ASTN2: variants seen among roughly 807,000 people sequenced by gnomAD.
ASTN2 encodes astrotactin-2.
Under a neutral mutation model 139.8 loss-of-function variants are expected in ASTN2, and 54 were observed. The observed-to-expected ratio is 0.39, with a 90% CI of 0.31 to 0.48. ASTN2 has a LOEUF of 0.48. Ranked by LOEUF, ASTN2 falls within the 20% of genes least tolerant of loss-of-function variation. The pLI is 0.95. For missense variants in ASTN2, 1,565 were observed against 1,725.1 expected, an observed-to-expected ratio of 0.91 and a Z score of 1.64; for synonymous variants, 756 against 719.5, an observed-to-expected ratio of 1.05 and a Z score of -0.81.
At chr9:116,533,169 A>T (rs1055725110) in intron 19 of ASTN2, among the ~76,000 whole-genome samples, 1 of 151,982 alleles carries the variant, frequency 6.6e-6, no homozygotes, top group African/African-American at 2.4e-5. Flanking sequence ...TTTGTCTGTT[A>T]TTGGTGTATA....
At chr9:117,111,875 A>G (rs1417065528) in intron 4 of ASTN2, among the ~76,000 whole-genome samples, 3 of 152,110 alleles carry the variant, frequency 2.0e-5, no homozygotes, top group Non-Finnish European at 4.4e-5. Flanking sequence ...TAAAGATGAC[A>G]TAATTATTTA....
chr9:116,745,303 T>A (rs1220047847), intron 13 of ASTN2, among the ~76,000 whole-genome samples: 2 of 152,220 alleles, frequency 1.3e-5, no homozygotes, highest in Admixed American at 6.5e-5. Context: ...GTGACCTCTC[T>A]ACCTGCCTGA....
rs200024458 is a variant in ASTN2, at chr9:116,607,959, TCAAA to T, written c.3355+10361_3355+10364del. Among the ~76,000 whole-genome samples the T allele has an allele frequency of 6.8e-4, 103 of 152,274 alleles. 1 individual carries two copies. Among genetic ancestry groups the T allele is most frequent in the Admixed American group, 6.1e-3 (93 of 15,296 alleles). ...CTGGGCGACAGAGCGAGACTCCGTC[TCAAA>T]CAAACAAACAAAAAAACATAAAACA... On this transcript the variant is annotated intron_variant, in intron 19 of 22. Transcript: ENST00000313400.
At chr9:117,259,083 C>T (rs906189681) in intron 2 of ASTN2, among the ~76,000 whole-genome samples, 1 of 152,118 alleles carries the variant, frequency 6.6e-6, no homozygotes, top group Non-Finnish European at 1.5e-5. Context: ...CTTTTCAGCC[C>T]TTCCACCCTC....
chr9:116,634,602 A>T (rs892145517), intron 17 of ASTN2, among the ~76,000 whole-genome samples: 10 of 150,588 alleles, frequency 6.6e-5, no homozygotes, highest in African/African-American at 1.9e-4. Context: ...AAAAAAAAAA[A>T]AAAAAAAAAA....
In ASTN2 at chr9:116,775,396, A is replaced by AAAGG. The variant is rs1298677025; in HGVS notation, c.2396+30232_2396+30235dup. Among the ~76,000 whole-genome samples the AAAGG allele has an allele frequency of 6.6e-5, 10 of 151,240 alleles. No individual in the cohort carries two copies. The East Asian group carries it at 2.0e-3, about 30-fold the overall frequency. Reference sequence around the variant, plus strand: ...CTCACACAGTGACTTTATCCACAAGAAAGGAAGGAAGGAAGAAAGGAGAGA... The same window carrying AAAGG: ...CTCACACAGTGACTTTATCCACAAGAAAGGAAGGAAGGAAGGAAGAAAGGAGAGA... On this transcript the variant is annotated intron_variant, in intron 13 of 22. Transcript: ENST00000313400.
chr9:116,571,184 T>TA (rs1253763412), intron 19 of ASTN2, among the ~76,000 whole-genome samples: 1 of 152,150 alleles, frequency 6.6e-6, no homozygotes, highest in Non-Finnish European at 1.5e-5. Context: ...CCCACGCTGG[T>TA]GGTTTCCTCT....
At chr9:117,180,714 G>A in intron 3 of ASTN2, 3 of 1,594,302 alleles carry the variant, frequency 1.9e-6, no homozygotes, top group Non-Finnish European at 1.7e-6. Context: ...ATGAGTGCAG[G>A]GCCCGCCACT....
At chr9:117,097,043 G>GTA (rs1301476830) in intron 4 of ASTN2, among the ~76,000 whole-genome samples, 1 of 152,168 alleles carries the variant, frequency 6.6e-6, no homozygotes. Flanking sequence ...GCCAGCCATG[G>GTA]TATATACAAG....
At chr9:117,165,550 A>C (rs1376975836) in intron 3 of ASTN2, among the ~76,000 whole-genome samples, 1 of 152,118 alleles carries the variant, frequency 6.6e-6, no homozygotes, top group Non-Finnish European at 1.5e-5. Context: ...GCAGCACGGA[A>C]GTCCAACAGT....
intron 10 of ASTN2, among the ~76,000 whole-genome samples, chr9:116,958,902 A>G (rs1835797137): frequency 6.6e-6 from 1 of 152,238 alleles, no homozygotes; most frequent in East Asian, 1.9e-4. Flanking sequence ...GGTTCAACCA[A>G]GGAAATGATA....
At chr9:116,464,260 G>A (rs1378230489) in intron 20 of ASTN2, among the ~76,000 whole-genome samples, 1 of 152,100 alleles carries the variant, frequency 6.6e-6, no homozygotes, top group Non-Finnish European at 1.5e-5. Flanking sequence ...ATGGGAGGAT[G>A]GGTAAGTGTG....
rs544185310 is a variant in ASTN2, at chr9:116,765,584, C to T, written c.2397-32061G>A. Among the ~76,000 whole-genome samples, 16 of 152,036 alleles carry T rather than the reference C, an allele frequency of 1.1e-4. No homozygotes were observed. The South Asian group carries it at 2.7e-3, about 26-fold the overall frequency. Reference sequence around the variant, plus strand: ...AGGATGCTTACTGCAACATAGTTTACGATAGTCAAAAGCTGGAAACAATCT... The same window carrying T: ...AGGATGCTTACTGCAACATAGTTTATGATAGTCAAAAGCTGGAAACAATCT... On this transcript the variant is annotated intron_variant, in intron 13 of 22. Coordinates refer to ENST00000313400, the MANE Select transcript of ASTN2 (RefSeq NM_001365068.1).
At chr9:116,747,928 A>G (rs142495345) in intron 13 of ASTN2, among the ~76,000 whole-genome samples, 1 of 152,284 alleles carries the variant, frequency 6.6e-6, no homozygotes, top group Non-Finnish European at 1.5e-5. Flanking sequence ...GAGGAACATT[A>G]TCTTCTCCTT....
At chr9:116,582,047 G>C (rs1198598119) in intron 19 of ASTN2, 1 of 152,222 alleles carries the variant, frequency 6.6e-6, no homozygotes, top group Non-Finnish European at 1.5e-5. Flanking sequence ...CATTGACCTT[G>C]AGGAATGTGT....
At chr9:117,060,258 C>G (rs185117804) in intron 5 of ASTN2, among the ~76,000 whole-genome samples, 1 of 148,466 alleles carries the variant, frequency 6.7e-6, no homozygotes, top group African/African-American at 2.5e-5. Flanking sequence ...TTACAGTGGG[C>G]CAAGATTGTG....
chr9:116,508,219 G>A (rs1223236039), intron 19 of ASTN2, among the ~76,000 whole-genome samples: 4 of 152,290 alleles, frequency 2.6e-5, no homozygotes, highest in Middle Eastern at 3.4e-3. Flanking sequence ...GTTTTCTTAC[G>A]TACACAACAG....
chr9:116,534,298 T>C (rs907900133), intron 19 of ASTN2, among the ~76,000 whole-genome samples: 1 of 152,146 alleles, frequency 6.6e-6, no homozygotes, highest in Non-Finnish European at 1.5e-5. Flanking sequence ...TTTGTTGATC[T>C]TTTCAAAAAA....
intron 10 of ASTN2, among the ~76,000 whole-genome samples, chr9:116,931,127 T>C (rs1160791649): frequency 6.6e-6 from 1 of 152,166 alleles, no homozygotes; most frequent in Non-Finnish European, 1.5e-5. Context: ...TTTCACCATC[T>C]CTAGAACAGG....
Sources: gnomAD v4.1 joint callset for allele counts (sites outside exome capture counted in the v4.1 genomes callset) on GRCh38, gnomAD v4.1.1 for gene constraint, MANE v1.5 for transcripts, NCBI Gene and HGNC (gene_info 2026-07-23, HGNC 2026-07-21) for gene names.